The following PTPRD variants were observed in gnomAD, a reference collection of about 807,000 sequenced individuals.
PTPRD encodes the protein receptor-type tyrosine-protein phosphatase delta.
In PTPRD, 34 loss-of-function variants were observed where a neutral mutation model predicts 214.5. That is an observed-to-expected ratio of 0.16 (90% CI 0.12 to 0.21). PTPRD has a LOEUF of 0.21. PTPRD is among the 10% of genes least tolerant of loss of function. The pLI is 1.00. For missense variants in PTPRD, 2,545 were observed against 2,398.7 expected (o/e 1.06, Z -1.27); for synonymous variants, 1,128 against 845.7 (o/e 1.33, Z -5.79).
At chr9:9,814,875 C>G (rs1050603732) in intron 5 of PTPRD, among the ~76,000 whole-genome samples, 18 of 145,752 alleles carry the variant, frequency 1.2e-4, no homozygotes, top group African/African-American at 4.6e-4. Flanking sequence ...TCACGGTTCA[C>G]TGCAGCCTCA....
At chr9:10,260,575 T>A (rs556762164) in intron 3 of PTPRD, among the ~76,000 whole-genome samples, 1 of 152,308 alleles carries the variant, frequency 6.6e-6, no homozygotes, top group Non-Finnish European at 1.5e-5. Context: ...GATCCCATAT[T>A]TCCATGTCCT....
chr9:10,060,865 CTTCT>C lies in PTPRD; in HGVS notation c.-544-27079_-544-27076del, dbSNP rs1178487523. 3.2e-3 allele frequency among the ~76,000 whole-genome samples: 291 copies of C among 91,528 alleles called. 14 individuals are homozygous for C. Among genetic ancestry groups the C allele is most frequent in the African/African-American group, 0.02 (166 of 8,140 alleles). 60.0% of individuals were successfully genotyped at this position (91,528 alleles called of 152,430 possible). ...CTTCCTTTCCTTTCTTTCTTCCTTC[CTTCT>C]TTCCTTCCTTCCTTCCTTCCTTCCT... On this transcript the variant is annotated intron_variant, in intron 3 of 45. Transcript: ENST00000381196.
chr9:9,097,673 G>A (rs2099785554), intron 10 of PTPRD, among the ~76,000 whole-genome samples: 1 of 152,026 alleles, frequency 6.6e-6, no homozygotes, highest in South Asian at 2.1e-4. Flanking sequence ...GCCTCCCAAA[G>A]TGCTAGGATA....
intron 2 of PTPRD, among the ~76,000 whole-genome samples, chr9:10,470,565 G>C (rs972865058): frequency 6.6e-6 from 1 of 152,154 alleles, no homozygotes; most frequent in Non-Finnish European, 1.5e-5. Flanking sequence ...CTCCTCAGGA[G>C]AAAAAGAAGT....
chr9:10,149,686 G>C, intron 3 of PTPRD, among the ~76,000 whole-genome samples: 1 of 151,444 alleles, frequency 6.6e-6, no homozygotes, highest in Non-Finnish European at 1.5e-5. Flanking sequence ...ATAAAACTGT[G>C]GACAATTCAA....
At chr9:9,267,991 C>T (rs1940883402) in intron 9 of PTPRD, among the ~76,000 whole-genome samples, 1 of 150,998 alleles carries the variant, frequency 6.6e-6, no homozygotes, top group Non-Finnish European at 1.5e-5. Context: ...CCACTCTCGC[C>T]ACTTCTATTC....
intron 9 of PTPRD, among the ~76,000 whole-genome samples, chr9:9,361,597 G>A (rs568324923): frequency 4.6e-5 from 7 of 151,002 alleles, no homozygotes; most frequent in African/African-American, 1.7e-4. Flanking sequence ...TCAAATCAGT[G>A]TAATTGGGAT....
At chr9:8,512,181 T>G (rs1465503271) in intron 21 of PTPRD, among the ~76,000 whole-genome samples, 1 of 152,020 alleles carries the variant, frequency 6.6e-6, no homozygotes, top group Non-Finnish European at 1.5e-5. Context: ...TGATAAATGA[T>G]AATGACAATA....
At chr9:9,584,107 AC>A (rs2091433107) in intron 7 of PTPRD, among the ~76,000 whole-genome samples, 1 of 151,886 alleles carries the variant, frequency 6.6e-6, no homozygotes, top group Admixed American at 6.6e-5. Flanking sequence ...AGAATCTCAG[AC>A]CCCATCCCAA....
chr9:9,651,659 T>C (rs957590395), intron 7 of PTPRD, among the ~76,000 whole-genome samples: 3 of 152,090 alleles, frequency 2.0e-5, no homozygotes, highest in African/African-American at 7.2e-5. Flanking sequence ...GGCATTTAGC[T>C]TGATTCCATG....
rs577032565 is a variant in PTPRD at position 9,209,848 on chromosome 9, G to A, written c.-202-26485C>T. Among the ~76,000 whole-genome samples, 6 of 152,230 alleles carry A rather than the reference G, an allele frequency of 3.9e-5. No individual in the cohort carries two copies. In the East Asian group the frequency reaches 1.2e-3, roughly 29 times the overall value. ...TACCATGGTTTCATGGATGCTGACAGAAGATATGAAACTCCTGGGTCAGAT... is the reference window on the plus strand; with the variant it reads ...TACCATGGTTTCATGGATGCTGACAAAAGATATGAAACTCCTGGGTCAGAT... On this transcript the variant is annotated intron_variant, in intron 9 of 45. Coordinates refer to ENST00000381196, the MANE Select transcript of PTPRD (RefSeq NM_002839.4).
At chr9:9,877,767 G>A (rs1417948281) in intron 5 of PTPRD, among the ~76,000 whole-genome samples, 3 of 152,002 alleles carry the variant, frequency 2.0e-5, no homozygotes, top group Non-Finnish European at 4.4e-5. Flanking sequence ...CTGAGGTAGG[G>A]AGTTCTAGAA....
At chr9:8,372,212 A>C (rs1179973889) in intron 39 of PTPRD, among the ~76,000 whole-genome samples, 2 of 152,058 alleles carry the variant, frequency 1.3e-5, no homozygotes, top group Non-Finnish European at 2.9e-5. Context: ...GTTTATAAAC[A>C]TCTGTTATTT....
At chr9:8,470,123 C>T (rs530199631) in intron 31 of PTPRD, among the ~76,000 whole-genome samples, 7 of 152,184 alleles carry the variant, frequency 4.6e-5, no homozygotes, top group Admixed American at 2.0e-4. Context: ...GGGGGCGTTA[C>T]GGTTATTTGC....
intron 11 of PTPRD, among the ~76,000 whole-genome samples, chr9:8,844,788 T>C (rs1213637238): frequency 3.9e-5 from 6 of 152,222 alleles, no homozygotes; most frequent in African/African-American, 1.4e-4. Context: ...TGGAGCAAAG[T>C]GAAGTGTGGC....
intron 5 of PTPRD, among the ~76,000 whole-genome samples, chr9:9,844,401 C>A (rs1052488674): frequency 6.6e-6 from 1 of 151,862 alleles, no homozygotes; most frequent in Non-Finnish European, 1.5e-5. Context: ...AAAAGTCAAA[C>A]TCAAAGAAAC....
intron 11 of PTPRD, among the ~76,000 whole-genome samples, chr9:8,837,589 C>A (rs1199081638): frequency 6.6e-6 from 1 of 152,130 alleles, no homozygotes; most frequent in Non-Finnish European, 1.5e-5. Context: ...CTCAACTGCC[C>A]AAGCTCAAGT....
chr9:8,688,489 C>T (rs1234906339), intron 12 of PTPRD, among the ~76,000 whole-genome samples: 1 of 150,304 alleles, frequency 6.7e-6, no homozygotes, highest in Non-Finnish European at 1.5e-5. Context: ...GGCATGAACC[C>T]AGGAGGCAGA....
In PTPRD at chr9:9,199,257, T is replaced by C. The variant is rs1004056854; in HGVS notation, c.-202-15894A>G. ...CTCTATACTATTCGTGTATTATTGC[T>C]GGGATAAAGATTTATTTTAGAAAAC... On this transcript the variant is annotated intron_variant, in intron 9 of 45. Transcript: ENST00000381196. Among the ~76,000 whole-genome samples, 4 of 152,196 alleles carry C rather than the reference T, an allele frequency of 2.6e-5. No homozygotes were observed. In the East Asian group the frequency reaches 7.7e-4, roughly 29 times the overall value.
Sources: gnomAD v4.1 joint callset for allele counts (sites outside exome capture counted in the v4.1 genomes callset) on GRCh38, gnomAD v4.1.1 for gene constraint, MANE v1.5 for transcripts, NCBI Gene and HGNC (gene_info 2026-07-23, HGNC 2026-07-21) for gene names.